Variants in CNGB3 observed in about 807,000 individuals in gnomAD.
CNGB3 encodes cyclic nucleotide-gated channel beta-3.
CNGB3 carries 86 observed loss-of-function variants against 92.8 expected under a neutral mutation model. The ratio of observed to expected loss-of-function variants is 0.93; its 90% CI spans 0.78 to 1.11. CNGB3 has a LOEUF of 1.11. Among genes scored for constraint, CNGB3 ranks in the 50% least tolerant of loss-of-function variants. The pLI, the probability that CNGB3 is intolerant of heterozygous loss-of-function variation, is 0.00. For synonymous variants in CNGB3, 333 were observed against 332.7 expected (o/e 1.00, Z -0.01); for missense variants, 1,026 against 956.8 (o/e 1.07, Z -0.95).
At chr8:86,644,712 A>T (rs1250770526) in intron 8 of CNGB3, 26 bp from the exon 9 acceptor site, 3 of 1,443,740 alleles carry the variant, frequency 2.1e-6, no homozygotes, top group Non-Finnish European at 2.8e-6. Flanking sequence ...AAAGAAATCC[A>T]AAAGCATGTT....
At chr8:86,725,974 T>G (rs1825054952) in intron 3 of CNGB3, among the ~76,000 whole-genome samples, 1 of 152,188 alleles carries the variant, frequency 6.6e-6, no homozygotes, top group African/African-American at 2.4e-5. Context: ...GGTTCACATT[T>G]AAATTGTTAT....
intron 3 of CNGB3, among the ~76,000 whole-genome samples, chr8:86,713,218 T>A (rs1471307685): frequency 6.6e-6 from 1 of 152,168 alleles, no homozygotes; most frequent in African/African-American, 2.4e-5. Context: ...GAGAATATAT[T>A]CAATATGATG....
At chr8:86,648,836 T>G (rs529085250) in intron 7 of CNGB3, among the ~76,000 whole-genome samples, 17 of 151,336 alleles carry the variant, frequency 1.1e-4, no homozygotes, top group Non-Finnish European at 1.5e-5. Flanking sequence ...ATAAAGGGCA[T>G]TCACATCAAA....
chr8:86,593,138 A>G (rs1339479118), intron 15 of CNGB3, among the ~76,000 whole-genome samples: 1 of 152,232 alleles, frequency 6.6e-6, no homozygotes, highest in Non-Finnish European at 1.5e-5. Flanking sequence ...TAGAGAGTTT[A>G]GATATTACAG....
In CNGB3 at chr8:86,726,626, A is replaced by C. The variant is rs1299711676; in HGVS notation, c.243T>G (p.Asp81Glu). The C allele has an allele frequency of 6.2e-7, 1 of 1,613,704 alleles. No homozygotes were observed. The highest frequency in any genetic ancestry group is 2.2e-5 in the East Asian group (1 of 44,890). The change falls in exon 3 of 18, where the codon GAT becomes GAG. Residue 81 changes from aspartate (D) to glutamate (E), a missense_variant. Asp to Glu is a conservative substitution (Grantham distance 45). Transcript: ENST00000320005. ...DKLSKKNSSG[D>E]LTTNPDPQNA... is the part of the protein sequence containing the mutation. ...TTTGAGGGTCAGGGTTTGTGGTCAG[A>C]TCTCCAGAGGAATTTTTCTTGGAGA...
chr8:86,673,411 A>G (rs943018263), intron 3 of CNGB3, among the ~76,000 whole-genome samples: 3 of 152,072 alleles, frequency 2.0e-5, no homozygotes, highest in Admixed American at 6.5e-5. Flanking sequence ...GGAACAGAGT[A>G]TATGTGTGTG....
intron 4 of CNGB3, among the ~76,000 whole-genome samples, chr8:86,668,599 A>G (rs1186136339): frequency 1.3e-5 from 2 of 152,120 alleles, no homozygotes; most frequent in African/African-American, 4.8e-5. Flanking sequence ...CATTTATTTC[A>G]CTGTGTGTGT....
intron 3 of CNGB3, among the ~76,000 whole-genome samples, chr8:86,693,696 CG>C (rs1430341036): frequency 6.6e-6 from 1 of 150,732 alleles, no homozygotes; most frequent in East Asian, 2.0e-4. Context: ...GCACATCTTG[CG>C]CCGCCCTTAA....
chr8:86,695,452 T>C (rs1156544900), intron 3 of CNGB3, among the ~76,000 whole-genome samples: 1 of 152,106 alleles, frequency 6.6e-6, no homozygotes, highest in Non-Finnish European at 1.5e-5. Context: ...AATTCTATTG[T>C]TGAAACCTTC....
At chr8:86,717,368 C>T (rs1404983642) in intron 3 of CNGB3, among the ~76,000 whole-genome samples, 1 of 151,970 alleles carries the variant, frequency 6.6e-6, no homozygotes, top group African/African-American at 2.4e-5. Flanking sequence ...TTGAGACCAG[C>T]CTGGCCAATA....
chr8:86,740,198 G>A (rs1825317170), intron 1 of CNGB3, among the ~76,000 whole-genome samples: 1 of 152,192 alleles, frequency 6.6e-6, no homozygotes, highest in African/African-American at 2.4e-5. Flanking sequence ...TGGCCAGTGT[G>A]TGCCTCAGGA....
At chr8:86,661,960 A>T (rs1379741225) in intron 6 of CNGB3, 1 of 617,374 alleles carries the variant, frequency 1.6e-6, no homozygotes, top group African/African-American at 1.8e-5. Context: ...CCCATCATGG[A>T]ACAGTCCTGG....
chr8:86,581,563 T>C (rs1315196170), intron 15 of CNGB3, among the ~76,000 whole-genome samples: 1 of 152,202 alleles, frequency 6.6e-6, no homozygotes, highest in Non-Finnish European at 1.5e-5. Context: ...ACCAGAGCTT[T>C]GTGCTACCTG....
At chr8:86,670,804 C>T (rs1392572095) in intron 4 of CNGB3, 140 bp downstream of exon 4, 1 of 943,262 alleles carries the variant, frequency 1.1e-6, no homozygotes. Context: ...CTCGTACCTT[C>T]CTGGATTACT....
chr8:86,630,098 C>A (rs957662631), intron 11 of CNGB3, among the ~76,000 whole-genome samples: 2 of 152,136 alleles, frequency 1.3e-5, no homozygotes, highest in Non-Finnish European at 1.5e-5. Context: ...CCAAAAAATT[C>A]TTCTACATAT....
intron 6 of CNGB3, chr8:86,658,077 C>T: frequency 3.8e-6 from 2 of 529,980 alleles, no homozygotes; most frequent in Non-Finnish European, 7.1e-6. Flanking sequence ...CCATGGCCCC[C>T]TGCAGGGCCG....
rs534161721 is a variant in CNGB3 at position 86,722,599 on chromosome 8, T to C, written c.338+3932A>G. 1.7e-3 allele frequency among the ~76,000 whole-genome samples: 253 copies of C among 152,286 alleles called. 1 individual carries two copies. Among genetic ancestry groups the C allele is most frequent in the South Asian group, 4.4e-3 (21 of 4,824 alleles). ...GTGTCTTTGAGGATATTTTGGATGA[T>C]ATTAACATTTGAATCAGTAGACTGA... On this transcript the variant is annotated intron_variant, in intron 3 of 17. Transcript: ENST00000320005.
chr8:86,585,103 A>G (rs1821866589), intron 15 of CNGB3, among the ~76,000 whole-genome samples: 1 of 152,204 alleles, frequency 6.6e-6, no homozygotes, highest in Non-Finnish European at 1.5e-5. Context: ...GTTGAGTACT[A>G]GTGTGCCAAA....
At chr8:86,611,449 A>T (rs1042860696) in intron 14 of CNGB3, 139 bp downstream of exon 14, 23 of 705,242 alleles carry the variant, frequency 3.3e-5, no homozygotes, top group Non-Finnish European at 1.3e-5. Flanking sequence ...TTATTGCTGT[A>T]CAGAGCTATA....
Sources: allele counts gnomAD v4.1 joint callset (sites outside exome capture counted in the v4.1 genomes callset), GRCh38; gene constraint gnomAD v4.1.1; transcripts MANE v1.5; gene names NCBI Gene and HGNC (gene_info 2026-07-23, HGNC 2026-07-21).